The following ZNF90 variants were observed in gnomAD, a reference collection of about 807,000 sequenced individuals.
ZNF90 encodes the protein zinc finger protein 90, also known as zinc finger protein HTF9.
In ZNF90, 11 loss-of-function variants were observed where a neutral mutation model predicts 12.0. The ratio of observed to expected loss-of-function variants is 0.92; its 90% CI spans 0.58 to 1.52. The LOEUF (loss-of-function observed/expected upper bound fraction) is 1.52. Among genes scored for constraint, ZNF90 ranks in the 40% most tolerant of loss-of-function variants. The pLI is 0.00. For missense variants in ZNF90, 765 were observed against 711.5 expected, an observed-to-expected ratio of 1.08 and a Z score of -0.86; for synonymous variants, 232 against 240.1, an observed-to-expected ratio of 0.97 and a Z score of 0.31.
chr19:20,084,927 C>T (rs555233786), intron 1 of ZNF90, among the ~76,000 whole-genome samples: 5 of 152,156 alleles, frequency 3.3e-5, no homozygotes, highest in African/African-American at 1.2e-4. Flanking sequence ...CAAATGGGTC[C>T]CATTGGTCAA....
chr19:20,104,784 C>A lies in ZNF90; in HGVS notation c.130+419C>A, dbSNP rs139204802. ...CTGAGGTGGGCAGGTCGCCTGAGGT[C>A]AGCAGTTTGAGACTAGCCTAACCAA... On this transcript the variant is annotated intron_variant, in intron 2 of 3. Coordinates refer to ENST00000418063, the MANE Select transcript of ZNF90 (RefSeq NM_007138.2). 5.4e-3 allele frequency among the ~76,000 whole-genome samples: 821 copies of A among 151,934 alleles called. 11 individuals carry two copies. Among genetic ancestry groups the A allele is most frequent in the African/African-American group, 0.019 (795 of 41,206 alleles).
rs59018782 is a variant in ZNF90, at chr19:20,108,265, T to C, written c.226+2949T>C. Reference sequence around the variant, plus strand: ...AATGATTCAAAATACCTGTATATGATGAATACATAGTGATGGTTAAATATT... The same window carrying C: ...AATGATTCAAAATACCTGTATATGACGAATACATAGTGATGGTTAAATATT... On this transcript the variant is annotated intron_variant, in intron 3 of 3. Coordinates refer to ENST00000418063, the MANE Select transcript of ZNF90 (RefSeq NM_007138.2). 4.9e-3 allele frequency among the ~76,000 whole-genome samples: 744 copies of C among 152,338 alleles called. 7 individuals carry two copies. Among genetic ancestry groups the C allele is most frequent in the African/African-American group, 0.016 (671 of 41,574 alleles).
chr19:20,098,450 G>GTAAATAAGCATCT (rs1459310246), intron 1 of ZNF90, among the ~76,000 whole-genome samples: 1 of 152,224 alleles, frequency 6.6e-6, no homozygotes, highest in East Asian at 1.9e-4. Context: ...ATCTGTAAAT[G>GTAAATAAGCATCT]TAAATAAGCA....
chr19:20,092,616 C>T (rs144494440), intron 1 of ZNF90, among the ~76,000 whole-genome samples: 1,761 of 152,188 alleles, frequency 0.012, 17 homozygotes, highest in South Asian at 0.033. Flanking sequence ...TTGGCAAAAC[C>T]AGGTATCCAA....
At position 20,078,051 on chromosome 19, in the gene ZNF90, T is replaced by C. The variant is rs2088790330; in HGVS notation, c.-82T>C. On this transcript the variant is annotated 5_prime_UTR_variant, in exon 1 of 4. Transcript: ENST00000418063. ...TCCAAATCTGGTCTTAGCTGCTTCG[T>C]GTCTTCTTCTCCAGCCTCTGTGGCC... The C allele has an allele frequency of 1.3e-6, 2 of 1,590,222 alleles. No homozygotes were observed. Among genetic ancestry groups the C allele is most frequent in the African/African-American group, 1.3e-5 (1 of 74,442 alleles).
At chr19:20,079,774 T>G in intron 1 of ZNF90, 1 of 218,120 alleles carries the variant, frequency 4.6e-6, no homozygotes, top group Non-Finnish European at 9.7e-6. Context: ...CATTGAGAAA[T>G]ATTTTGTTTT....
chr19:20,097,592 T>A (rs971311318), intron 1 of ZNF90, among the ~76,000 whole-genome samples: 1 of 152,146 alleles, frequency 6.6e-6, no homozygotes, highest in Non-Finnish European at 1.5e-5. Flanking sequence ...AGATAAGAGA[T>A]TCTCCACTTT....
At chr19:20,104,879 A>G (rs943466733) in intron 2 of ZNF90, among the ~76,000 whole-genome samples, 2 of 152,198 alleles carry the variant, frequency 1.3e-5, no homozygotes, top group Non-Finnish European at 2.9e-5. Flanking sequence ...CTGTAATCCC[A>G]GCTACTCTGA....
At chr19:20,092,101 C>T (rs1259976843) in intron 1 of ZNF90, among the ~76,000 whole-genome samples, 3 of 152,026 alleles carry the variant, frequency 2.0e-5, no homozygotes, top group South Asian at 2.1e-4. Context: ...GTGTGGTATC[C>T]GGAATAATGT....
intron 3 of ZNF90, among the ~76,000 whole-genome samples, chr19:20,114,823 C>T (rs2089122771): frequency 7.0e-6 from 1 of 142,134 alleles, no homozygotes; most frequent in Non-Finnish European, 1.5e-5. Flanking sequence ...CCCCTGTTCC[C>T]TTACTAATAT....
intron 1 of ZNF90, among the ~76,000 whole-genome samples, chr19:20,099,141 C>T (rs1353325263): frequency 1.3e-5 from 2 of 152,060 alleles, no homozygotes; most frequent in East Asian, 3.9e-4. Context: ...GATGTCTACA[C>T]CCGAAGGGCT....
intron 3 of ZNF90, among the ~76,000 whole-genome samples, chr19:20,109,539 CACATA>C (rs1211112953): frequency 1.3e-5 from 2 of 151,808 alleles, no homozygotes; most frequent in Admixed American, 6.6e-5. Flanking sequence ...GTTTTAAAAA[CACATA>C]ACATAAAATT....
intron 3 of ZNF90, among the ~76,000 whole-genome samples, chr19:20,106,049 T>TTTC (rs1555704370): frequency 3.1e-5 from 4 of 130,372 alleles, no homozygotes; most frequent in Non-Finnish European, 6.8e-5. Context: ...TTTTTCTTTT[T>TTTC]TTTTTTTTTT....
chr19:20,081,730 C>A (rs1277432434), intron 1 of ZNF90, among the ~76,000 whole-genome samples: 1 of 152,084 alleles, frequency 6.6e-6, no homozygotes, highest in Non-Finnish European at 1.5e-5. Context: ...TGCAGTCTTT[C>A]CCACACAGGG....
At chr19:20,081,302 C>A (rs2088817914) in intron 1 of ZNF90, among the ~76,000 whole-genome samples, 1 of 152,108 alleles carries the variant, frequency 6.6e-6, no homozygotes, top group Non-Finnish European at 1.5e-5. Context: ...GATTCTTCTG[C>A]CTCAGCCTCC....
Position 20,116,257 on chromosome 19 carries a change from C to G in ZNF90, c.227-1524C>G, listed in dbSNP as rs117860350. Among the ~76,000 whole-genome samples, 490 of 152,300 alleles carry G rather than the reference C, an allele frequency of 3.2e-3. 7 individuals carry two copies. In the East Asian group the frequency reaches 0.056, roughly 17 times the overall value. ...CAATCTCCACTCACTGCAACCATCC[C>G]CTCCCAGGTTCAAGCAATTCTTGTG... is the stretch of plus-strand genomic sequence containing the variant. On this transcript the variant is annotated intron_variant, in intron 3 of 3. Transcript: ENST00000418063.
At chr19:20,080,197 G>A (rs1599637458) in intron 1 of ZNF90, 3 of 541,352 alleles carry the variant, frequency 5.5e-6, no homozygotes, top group South Asian at 4.5e-5. Flanking sequence ...CACATAATGG[G>A]ACTAGTACCA....
At chr19:20,085,598 T>C (rs1459791046) in intron 1 of ZNF90, among the ~76,000 whole-genome samples, 1 of 152,196 alleles carries the variant, frequency 6.6e-6, no homozygotes, top group Non-Finnish European at 1.5e-5. Flanking sequence ...TTTCATATAA[T>C]ATCTTTCTCT....
intron 1 of ZNF90, chr19:20,079,839 CGG>C (rs1568280790): frequency 1.4e-5 from 5 of 363,508 alleles, no homozygotes; most frequent in African/African-American, 8.7e-5. Flanking sequence ...CACCCTGTCC[CGG>C]CCCTGAAGCG....
Sources: allele counts gnomAD v4.1 joint callset (sites outside exome capture counted in the v4.1 genomes callset), GRCh38; gene constraint gnomAD v4.1.1; transcripts MANE v1.5; gene names NCBI Gene and HGNC (gene_info 2026-07-23, HGNC 2026-07-21).